CTNNA2: variants seen among roughly 807,000 people sequenced by gnomAD.
CTNNA2 encodes catenin alpha 2, also known as catenin alpha-2.
Under a neutral mutation model 101.0 loss-of-function variants are expected in CTNNA2, and 42 were observed. That is an observed-to-expected ratio of 0.42 (90% CI 0.32 to 0.54). CTNNA2 has a LOEUF of 0.54. Among genes scored for constraint, CTNNA2 ranks in the 20% least tolerant of loss-of-function variants. CTNNA2 has a pLI of 0.14. For missense variants in CTNNA2, 871 were observed against 1,223.1 expected (o/e 0.71, Z 4.29); for synonymous variants, 450 against 456.4 (o/e 0.99, Z 0.18).
At chr2:80,129,318 C>T (rs1702294003) in intron 7 of CTNNA2, among the ~76,000 whole-genome samples, 1 of 152,200 alleles carries the variant, frequency 6.6e-6, no homozygotes, top group African/African-American at 2.4e-5. Context: ...ACTGTAGCCT[C>T]CATGCTCAGT....
chr2:79,519,426 T>G (rs1414022388), intron 1 of CTNNA2, among the ~76,000 whole-genome samples: 3 of 152,112 alleles, frequency 2.0e-5, no homozygotes, highest in Non-Finnish European at 2.9e-5. Context: ...ATAAGCACAC[T>G]GAACCAAGGC....
intron 9 of CTNNA2, among the ~76,000 whole-genome samples, chr2:80,428,148 A>G (rs1161673537): frequency 1.3e-5 from 2 of 152,182 alleles, no homozygotes; most frequent in African/African-American, 4.8e-5. Context: ...GTGCTTTGCA[A>G]GTTTGGTAGA....
intron 4 of CTNNA2, among the ~76,000 whole-genome samples, chr2:79,398,865 A>C (rs940788685): frequency 6.6e-6 from 1 of 151,938 alleles, no homozygotes; most frequent in African/African-American, 2.4e-5. Flanking sequence ...AAAAAAAAGA[A>C]AAAAAGTTGA....
At chr2:80,288,177 G>A (rs1295856874) in intron 7 of CTNNA2, among the ~76,000 whole-genome samples, 1 of 152,152 alleles carries the variant, frequency 6.6e-6, no homozygotes, top group Non-Finnish European at 1.5e-5. Context: ...AAACCCCACG[G>A]CCTCCTTAAC....
At chr2:79,271,640 T>C (rs60715496) in intron 2 of CTNNA2, among the ~76,000 whole-genome samples, 42 of 152,146 alleles carry the variant, frequency 2.8e-4, no homozygotes, top group African/African-American at 9.6e-4. Context: ...TCTCCCGCTC[T>C]GAGCAGGAGT....
At chr2:79,534,823 T>C (rs1009809500) in intron 1 of CTNNA2, among the ~76,000 whole-genome samples, 1 of 151,966 alleles carries the variant, frequency 6.6e-6, no homozygotes, top group Non-Finnish European at 1.5e-5. Flanking sequence ...TTCAAATATG[T>C]CAAGTTCTGG....
chr2:79,587,462 A>G (rs897816095), intron 1 of CTNNA2, among the ~76,000 whole-genome samples: 1 of 151,802 alleles, frequency 6.6e-6, no homozygotes, highest in Non-Finnish European at 1.5e-5. Context: ...CTGCCCATGC[A>G]CACTTCCTTT....
chr2:80,313,722 A>G (rs1677830571), intron 7 of CTNNA2: 1 of 1,199,856 alleles, frequency 8.3e-7, no homozygotes, highest in South Asian at 1.3e-5. Flanking sequence ...TTTCAACTAG[A>G]AATATGATTT....
Position 80,149,774 on chromosome 2 carries a change from TCACACACA to T in CTNNA2, c.1056+240012_1056+240019del, listed in dbSNP as rs10595115. 1.2e-3 allele frequency among the ~76,000 whole-genome samples: 167 copies of T among 143,386 alleles called. 1 individual carries two copies. The South Asian group carries it at 0.012, about 10-fold the overall frequency. 94.1% of individuals were successfully genotyped at this position (143,386 alleles called of 152,430 possible). A position where few individuals can be genotyped will look rare whatever the true frequency, so the allele number is the denominator to read the frequency against. On this transcript the variant is annotated intron_variant, in intron 7 of 18. Coordinates refer to ENST00000402739, the MANE Select transcript of CTNNA2 (RefSeq NM_001282597.3). ...TCAGGGAATACTCGATTAGAATGGA[TCACACACA>T]CACACACACACACACACACACACAC... is the stretch of plus-strand genomic sequence containing the variant.
At chr2:80,278,524 G>C (rs1288764540) in intron 7 of CTNNA2, among the ~76,000 whole-genome samples, 2 of 152,000 alleles carry the variant, frequency 1.3e-5, no homozygotes, top group African/African-American at 4.8e-5. Context: ...CACATGGTAG[G>C]GGGGCAGGAT....
At chr2:80,480,981 C>T (rs900663374) in intron 9 of CTNNA2, among the ~76,000 whole-genome samples, 1 of 152,108 alleles carries the variant, frequency 6.6e-6, no homozygotes, top group Non-Finnish European at 1.5e-5. Context: ...TTTTCTAGCT[C>T]TAAACCTAAG....
rs569280680 is a variant in CTNNA2 at position 80,203,010 on chromosome 2, A to C, written c.1057-190201A>C. On this transcript the variant is annotated intron_variant, in intron 7 of 18. Coordinates refer to ENST00000402739, the MANE Select transcript of CTNNA2 (RefSeq NM_001282597.3). ...GGCAGCAGACAAAGAGAGCTTGTGC[A>C]GAGCAACTCCTGTTTTTAAAACCAT... 2.8e-3 allele frequency among the ~76,000 whole-genome samples: 420 copies of C among 152,336 alleles called. 2 individuals carry two copies. Among genetic ancestry groups the C allele is most frequent in the African/African-American group, 9.6e-3 (399 of 41,578 alleles).
intron 7 of CTNNA2, among the ~76,000 whole-genome samples, chr2:80,217,648 C>G (rs1708347995): frequency 6.6e-6 from 1 of 152,172 alleles, no homozygotes; most frequent in Non-Finnish European, 1.5e-5. Flanking sequence ...GCTGAGTACA[C>G]ATTTTCACTC....
At chr2:79,541,870 C>A (rs1673445970) in intron 1 of CTNNA2, among the ~76,000 whole-genome samples, 1 of 151,454 alleles carries the variant, frequency 6.6e-6, no homozygotes, top group Non-Finnish European at 1.5e-5. Context: ...CGTGATTCAC[C>A]CACCTTAGCC....
chr2:80,533,158 G>C (rs1690689708), intron 9 of CTNNA2, among the ~76,000 whole-genome samples: 1 of 152,118 alleles, frequency 6.6e-6, no homozygotes, highest in African/African-American at 2.4e-5. Context: ...AATAAATAAT[G>C]GATAAGGCAA....
chr2:80,216,674 G>A (rs11126754), intron 7 of CTNNA2, among the ~76,000 whole-genome samples: 98,454 of 152,076 alleles, frequency 0.65, 32,660 homozygotes, highest in African/African-American at 0.79. Flanking sequence ...TGGCACTCCA[G>A]TCTTGGGCTT....
chr2:79,482,201 G>A (rs6547242), intron 4 of CTNNA2, among the ~76,000 whole-genome samples: 108,930 of 152,174 alleles, frequency 0.72, 39,452 homozygotes, highest in African/African-American at 0.82. Context: ...AAGGTCATCA[G>A]GAATTTTAAA....
rs189203880 is a variant in CTNNA2, at chr2:79,951,748, C to T, written c.1056+41951C>T. Among the ~76,000 whole-genome samples the T allele has an allele frequency of 4.6e-5, 7 of 152,210 alleles. No homozygotes were observed. In the East Asian group the frequency reaches 1.2e-3, roughly 25 times the overall value. On this transcript the variant is annotated intron_variant, in intron 7 of 18. Transcript: ENST00000402739. ...TAAAAGCATCTTTGTTTCTAGGTTTCTCCATTCAAACTATCCTACCCACAA... is the reference window on the plus strand; with the variant it reads ...TAAAAGCATCTTTGTTTCTAGGTTTTTCCATTCAAACTATCCTACCCACAA...
chr2:80,073,094 C>G (rs1014210207), intron 7 of CTNNA2, among the ~76,000 whole-genome samples: 5 of 152,292 alleles, frequency 3.3e-5, no homozygotes, highest in Admixed American at 3.3e-4. Context: ...AAATAGTAAG[C>G]ACTGAAAATA....
Sources: allele counts gnomAD v4.1 joint callset (sites outside exome capture counted in the v4.1 genomes callset), GRCh38; gene constraint gnomAD v4.1.1; transcripts MANE v1.5; gene names NCBI Gene and HGNC (gene_info 2026-07-23, HGNC 2026-07-21).